PRMT7: variants seen among roughly 807,000 people sequenced by gnomAD.
PRMT7 encodes protein arginine N-methyltransferase 7.
In PRMT7, 75 loss-of-function variants were observed where a neutral mutation model predicts 85.4. The ratio of observed to expected loss-of-function variants is 0.88; its 90% CI spans 0.73 to 1.06. PRMT7 has a LOEUF of 1.06. Ranked by LOEUF, PRMT7 falls within the 50% of genes least tolerant of loss-of-function variation. The pLI is 0.00. For synonymous variants in PRMT7, 397 were observed against 359.5 expected (o/e 1.10, Z -1.18); for missense variants, 868 against 915.2 (o/e 0.95, Z 0.67).
At chr16:68,321,081 C>T (rs1453356385) in intron 3 of PRMT7, among the ~76,000 whole-genome samples, 2 of 152,114 alleles carry the variant, frequency 1.3e-5, no homozygotes, top group Non-Finnish European at 2.9e-5. Context: ...ACAGCCTGGC[C>T]AACATAGTGA....
rs368385265 is a variant in PRMT7, at chr16:68,344,933, T to TACACACAC, written c.928-725_928-718dup. Among the ~76,000 whole-genome samples, 693 of 131,158 alleles carry TACACACAC rather than the reference T, an allele frequency of 5.3e-3. 10 individuals are homozygous for TACACACAC. The highest frequency in any genetic ancestry group is 0.019 in the African/African-American group (619 of 33,430). The allele number at this position is 131,158 out of a possible 152,430, so 86.0% of individuals were successfully genotyped here. On this transcript the variant is annotated intron_variant, in intron 9 of 18. Transcript: ENST00000441236. ...CTTTCTGCCTCCCTTCCTGCATCTC[T>TACACACAC]ACACACACACACACACACACACACG...
intron 7 of PRMT7, among the ~76,000 whole-genome samples, chr16:68,338,304 G>A (rs899022943): frequency 6.6e-6 from 1 of 152,168 alleles, no homozygotes; most frequent in South Asian, 2.1e-4. Flanking sequence ...TAGAGATATC[G>A]ATGCTAGGGT....
At chr16:68,319,968 G>A (rs779699547) in intron 3 of PRMT7, among the ~76,000 whole-genome samples, 1 of 152,100 alleles carries the variant, frequency 6.6e-6, no homozygotes, top group Non-Finnish European at 1.5e-5. Context: ...CCTTTACTAC[G>A]GTATTGGTGA....
intron 5 of PRMT7, among the ~76,000 whole-genome samples, chr16:68,327,828 A>G (rs868773183): frequency 2.0e-5 from 3 of 151,596 alleles, no homozygotes; most frequent in Non-Finnish European, 4.4e-5. Flanking sequence ...AGTCCCAGCT[A>G]CTTGGGAGAT....
rs555045988 is a variant in PRMT7 at position 68,329,923 on chromosome 16, TCA to T, written c.391+751_391+752del. Among the ~76,000 whole-genome samples the T allele has an allele frequency of 4.5e-3, 676 of 151,804 alleles. 2 individuals carry two copies. Among genetic ancestry groups the T allele is most frequent in the Non-Finnish European group, 8.1e-3 (549 of 67,994 alleles). ...CATATTTTTTTTTTGAGACGGAATC[TCA>T]CTGTGTCACCCAGGCTGCATTGCAG... On this transcript the variant is annotated intron_variant, in intron 6 of 18. Transcript: ENST00000441236.
intron 5 of PRMT7, 50 bp from the exon 6 acceptor site, chr16:68,329,016 C>T (rs772204040): frequency 1.5e-6 from 2 of 1,312,706 alleles, no homozygotes; most frequent in Non-Finnish European, 2.2e-6. Context: ...GGTCAGACTA[C>T]TGTTTAATTT....
chr16:68,329,244 G>T lies in PRMT7; in HGVS notation c.391+70G>T. The T allele has an allele frequency of 2.5e-6, 3 of 1,206,454 alleles. No individual in the cohort carries two copies. The South Asian group carries it at 3.8e-5, about 15-fold the overall frequency. 74.7% of individuals were successfully genotyped at this position (1,206,454 alleles called of 1,614,324 possible). A position where few individuals can be genotyped will look rare whatever the true frequency, so the allele number is the denominator to read the frequency against. On this transcript the variant is annotated intron_variant, in intron 6 of 18. Transcript: ENST00000441236. Reference sequence around the variant, plus strand: ...GTGAGAGAGGAAAAGGGTTATTCCAGTTACCTGGAACAAATCCAGGTCATA... The same window carrying T: ...GTGAGAGAGGAAAAGGGTTATTCCATTTACCTGGAACAAATCCAGGTCATA...
At chr16:68,330,742 G>A (rs2083756251) in intron 6 of PRMT7, among the ~76,000 whole-genome samples, 2 of 151,966 alleles carry the variant, frequency 1.3e-5, no homozygotes, top group Non-Finnish European at 2.9e-5. Flanking sequence ...TTACAGGCGT[G>A]CACCACCATG....
chr16:68,313,710 A>T (rs897296157), intron 2 of PRMT7, among the ~76,000 whole-genome samples: 4 of 152,242 alleles, frequency 2.6e-5, no homozygotes, highest in African/African-American at 9.6e-5. Context: ...TTAGTACATG[A>T]GATAAAGTGG....
At chr16:68,356,188 T>C (rs1000729382) in intron 17 of PRMT7, among the ~76,000 whole-genome samples, 6 of 152,228 alleles carry the variant, frequency 3.9e-5, no homozygotes. Flanking sequence ...TGCACCATTT[T>C]CCTGAACCCT....
At chr16:68,320,365 C>A (rs1036686950) in intron 3 of PRMT7, among the ~76,000 whole-genome samples, 30 of 152,212 alleles carry the variant, frequency 2.0e-4, no homozygotes, top group Admixed American at 3.3e-4. Context: ...GAGCTGACAG[C>A]CACGAACAGA....
In PRMT7 at chr16:68,337,528, G is replaced by A. The variant is rs776198070; in HGVS notation, c.461G>A (p.Gly154Glu). The change falls in exon 7 of 19, where the codon GGG becomes GAG. Residue 154 changes from glycine (G) to glutamate (E), a missense_variant. Gly to Glu is a moderately conservative substitution (Grantham distance 98). Coordinates refer to ENST00000441236, the MANE Select transcript of PRMT7 (RefSeq NM_019023.5). The part of the protein sequence containing the change: ...ELFDTELIGE[G>E]ALPSYEHAHR... ...TTTGACACAGAGCTGATCGGGGAGG[G>A]GGCGCTGCCCTCCTATGAGCACGCA... 1 of 1,611,536 alleles carries A rather than the reference G, an allele frequency of 6.2e-7. No individual in the cohort carries two copies. The highest frequency in any genetic ancestry group is 8.5e-7 in the Non-Finnish European group (1 of 1,178,152).
chr16:68,317,230 T>G, intron 3 of PRMT7, among the ~76,000 whole-genome samples: 1 of 100,634 alleles, frequency 9.9e-6, no homozygotes, highest in East Asian at 2.9e-4. Context: ...AGAGTGAGAC[T>G]CTGTCTCAAA....
intron 3 of PRMT7, among the ~76,000 whole-genome samples, 157 bp from the exon 4 acceptor site, chr16:68,321,268 CA>C (rs370073532): frequency 6.3e-4 from 90 of 142,624 alleles, no homozygotes; most frequent in Admixed American, 5.6e-4. Flanking sequence ...GACCCTGTCT[CA>C]AAAAAAAAAA....
chr16:68,317,283 A>G (rs1045579433), intron 3 of PRMT7, among the ~76,000 whole-genome samples: 24 of 151,912 alleles, frequency 1.6e-4, no homozygotes, highest in African/African-American at 5.8e-4. Flanking sequence ...TAAAGGCACA[A>G]GAGGTCATGG....
chr16:68,349,031 C>T lies in PRMT7; in HGVS notation c.1413+600C>T, dbSNP rs558855919. Among the ~76,000 whole-genome samples, 3 of 152,264 alleles carry T rather than the reference C, an allele frequency of 2.0e-5. No individual in the cohort carries two copies. In the South Asian group the frequency reaches 6.2e-4, roughly 32 times the overall value. On this transcript the variant is annotated intron_variant, in intron 14 of 18. Coordinates refer to ENST00000441236, the MANE Select transcript of PRMT7 (RefSeq NM_019023.5). Reference sequence around the variant, plus strand: ...CTAGGAGCAGAGCATGTCCTTTCCTCTCCACCGCACTCCTGTCTTCATTCC... The same window carrying T: ...CTAGGAGCAGAGCATGTCCTTTCCTTTCCACCGCACTCCTGTCTTCATTCC...
At chr16:68,331,671 A>G (rs1172879042) in intron 6 of PRMT7, among the ~76,000 whole-genome samples, 12 of 151,830 alleles carry the variant, frequency 7.9e-5, no homozygotes, top group Non-Finnish European at 5.9e-5. Context: ...ATGGGATCTC[A>G]GTTTGTTGCT....
rs1445020304 is a variant in PRMT7, at chr16:68,352,159, CTGAG to C, written c.1414-86_1414-83del. The C allele has an allele frequency of 3.6e-6, 5 of 1,386,214 alleles. No homozygotes were observed. In the East Asian group the frequency reaches 7.2e-5, roughly 20 times the overall value. 85.9% of individuals were successfully genotyped at this position (1,386,214 alleles called of 1,614,324 possible). The stretch of plus-strand genomic sequence containing the variant: ...GGGAGTGAGGGAGTGACTTGAGTGA[CTGAG>C]TGGCCTGTTGCTTCCGTGTTCCTGT... On this transcript the variant is annotated intron_variant, in intron 14 of 18. Coordinates refer to ENST00000441236, the MANE Select transcript of PRMT7 (RefSeq NM_019023.5).
chr16:68,344,244 C>G (rs1282393852), intron 9 of PRMT7, among the ~76,000 whole-genome samples: 2 of 152,240 alleles, frequency 1.3e-5, no homozygotes, highest in Non-Finnish European at 2.9e-5. Flanking sequence ...GTTGGGATTA[C>G]AGGCATGAGC....
Sources: allele counts gnomAD v4.1 joint callset (sites outside exome capture counted in the v4.1 genomes callset), GRCh38; gene constraint gnomAD v4.1.1; transcripts MANE v1.5; gene names NCBI Gene and HGNC (gene_info 2026-07-23, HGNC 2026-07-21).